KIAA1549: variants seen among roughly 807,000 people sequenced by gnomAD.
KIAA1549 encodes UPF0606 protein KIAA1549.
In KIAA1549, 70 loss-of-function variants were observed where a neutral mutation model predicts 156.4. The observed-to-expected ratio is 0.45, with a 90% CI of 0.37 to 0.55. The LOEUF is 0.55. Among genes scored for constraint, KIAA1549 ranks in the 20% least tolerant of loss-of-function variants. The probability of loss-of-function intolerance (pLI) is 0.00; values close to 1 mark genes in which losing one functional copy is unlikely to be tolerated. For missense variants in KIAA1549, 2,428 were observed against 2,540.9 expected (o/e 0.96, Z 0.96); for synonymous variants, 1,103 against 1,066.4 (o/e 1.03, Z -0.67).
At chr7:138,897,892 CAAAAAAAAAAAAAAAAAAA>C (rs59242488) in intron 9 of KIAA1549, among the ~76,000 whole-genome samples, 11 of 27,498 alleles carry the variant, frequency 4.0e-4, no homozygotes, top group African/African-American at 8.0e-4. Context: ...GACCCTTTCT[CAAAAAAAAAAAAAAAAAAA>C]AAAAAAAAAA....
At chr7:138,925,223 C>T (rs562004812) in intron 1 of KIAA1549, among the ~76,000 whole-genome samples, 4 of 152,164 alleles carry the variant, frequency 2.6e-5, no homozygotes, top group Non-Finnish European at 5.9e-5. Flanking sequence ...GTCTCAGACT[C>T]TCACAAGCAA....
intron 1 of KIAA1549, among the ~76,000 whole-genome samples, chr7:138,942,207 T>A (rs1813205175): frequency 6.6e-6 from 1 of 152,144 alleles, no homozygotes; most frequent in Admixed American, 6.6e-5. Context: ...CCACACTGTC[T>A]CTCTGAAAGA....
At chr7:138,951,345 A>G (rs1339522279) in intron 1 of KIAA1549, among the ~76,000 whole-genome samples, 2 of 151,862 alleles carry the variant, frequency 1.3e-5, no homozygotes, top group Non-Finnish European at 2.9e-5. Context: ...GATCTCTCTC[A>G]CCTTCAAACA....
chr7:138,961,998 C>T (rs1813868105), intron 1 of KIAA1549, among the ~76,000 whole-genome samples: 1 of 152,138 alleles, frequency 6.6e-6, no homozygotes, highest in Admixed American at 6.5e-5. Context: ...TCCCCCTTCC[C>T]ACCTGTCTCA....
rs375386187 is a variant in KIAA1549, at chr7:138,951,235, C to T, written c.187+29848G>A. Among the ~76,000 whole-genome samples, 72 of 152,096 alleles carry T rather than the reference C, an allele frequency of 4.7e-4. 1 individual carries two copies. The South Asian group carries it at 0.015, about 32-fold the overall frequency. The stretch of plus-strand genomic sequence containing the variant: ...CATGAGCCACCATGCCCAGCCGCAT[C>T]CTCCCTCTGGAGGAACCTGAATCCC... On this transcript the variant is annotated intron_variant, in intron 1 of 19. Transcript: ENST00000422774.
At position 138,918,888 on chromosome 7, in the gene KIAA1549, A is replaced by G; in HGVS notation, c.738T>C (p.Pro246=). The change falls in exon 2 of 20, where the codon CCT becomes CCC. Residue 246 remains proline, a synonymous_variant. Coordinates refer to ENST00000422774, the MANE Select transcript of KIAA1549 (RefSeq NM_001164665.2). This position sits in a 1 kb window ranked among gnomAD's most constrained non-coding sequence, Gnocchi z 4.2. ...TAGGATAAAGCACCAAATTCCTGCC[A>G]GGAGTTGGAACGATGCCCTCAGAGG... ...FRTSEGIVPT[P]GRNLVLYPTD... 6.2e-7 allele frequency: 1 copy of G among 1,614,076 alleles called. No homozygotes were observed. Among genetic ancestry groups the G allele is most frequent in the Non-Finnish European group, 8.5e-7 (1 of 1,179,902 alleles).
chr7:138,959,820 CTG>C (rs1221018956), intron 1 of KIAA1549, among the ~76,000 whole-genome samples: 2 of 152,222 alleles, frequency 1.3e-5, no homozygotes. Flanking sequence ...CAGAGAGCAA[CTG>C]TGCCTCTTAA....
chr7:138,887,330 C>T (rs765706641), intron 10 of KIAA1549, among the ~76,000 whole-genome samples: 5 of 152,228 alleles, frequency 3.3e-5, no homozygotes, highest in Non-Finnish European at 4.4e-5. Context: ...TCTTTAAACA[C>T]ATGTATTTAA....
chr7:138,936,530 C>T (rs1055165306), intron 1 of KIAA1549, among the ~76,000 whole-genome samples: 5 of 152,192 alleles, frequency 3.3e-5, no homozygotes, highest in African/African-American at 1.2e-4. Context: ...AGTCCATGGA[C>T]ATTGCCTGCT....
At chr7:138,926,429 C>T (rs1386375044) in intron 1 of KIAA1549, among the ~76,000 whole-genome samples, 2 of 152,112 alleles carry the variant, frequency 1.3e-5, no homozygotes, top group East Asian at 1.9e-4. Flanking sequence ...GGATTCCAGG[C>T]GCCCACCACC....
chr7:138,891,987 CA>C (rs1158847278), intron 10 of KIAA1549, among the ~76,000 whole-genome samples: 1 of 152,206 alleles, frequency 6.6e-6, no homozygotes, highest in African/African-American at 2.4e-5. Flanking sequence ...CCTGTGCCAG[CA>C]AAACACGACT....
intron 10 of KIAA1549, among the ~76,000 whole-genome samples, chr7:138,892,208 G>A (rs1811565586): frequency 6.6e-6 from 1 of 152,210 alleles, no homozygotes; most frequent in Admixed American, 6.5e-5. Context: ...CCACATCTGG[G>A]ACTTGAAAAT....
At chr7:138,892,179 C>T (rs1026301370) in intron 10 of KIAA1549, among the ~76,000 whole-genome samples, 1 of 152,112 alleles carries the variant, frequency 6.6e-6, no homozygotes, top group East Asian at 1.9e-4. Flanking sequence ...ATCTGAAACT[C>T]TGTCCATTTG....
Position 138,911,259 on chromosome 7 carries a change from A to G in KIAA1549, c.3032T>C (p.Ile1011Thr). The G allele has an allele frequency of 1.2e-6, 2 of 1,604,554 alleles. No individual in the cohort carries two copies. Among genetic ancestry groups the G allele is most frequent in the Non-Finnish European group, 1.7e-6 (2 of 1,175,008 alleles). Residue 1011 changes from isoleucine (I) to threonine (T), a missense_variant, in exon 4 of 20, where the codon ATA becomes ACA. By Grantham distance (89) the Ile-to-Thr change is moderately conservative. This residue lies in a region of KIAA1549 where 762 missense variants were observed against 901.6 expected (regional missense o/e 0.85). Transcript: ENST00000422774. ...VTSGPFVYTA[I>T]SVINVLINSK... ...GTTTATAAGCACATTTATGACGGAT[A>G]TTGCCGTGTAAACGAAAGGACCGGA...
At chr7:138,948,555 G>A (rs1168022850) in intron 1 of KIAA1549, among the ~76,000 whole-genome samples, 1 of 152,142 alleles carries the variant, frequency 6.6e-6, no homozygotes, top group African/African-American at 2.4e-5. Context: ...CTTGTTACGT[G>A]GCCCTTGCAA....
chr7:138,925,325 A>G (rs1812681722), intron 1 of KIAA1549, among the ~76,000 whole-genome samples: 1 of 152,042 alleles, frequency 6.6e-6, no homozygotes, highest in African/African-American at 2.4e-5. Flanking sequence ...GGAATCATGT[A>G]CTTTTCAAGC....
intron 9 of KIAA1549, among the ~76,000 whole-genome samples, chr7:138,898,331 A>T (rs1185486881): frequency 1.3e-5 from 2 of 151,814 alleles, no homozygotes; most frequent in Non-Finnish European, 2.9e-5. Flanking sequence ...AAAGCAAACA[A>T]ATCTGTGAGG....
At chr7:138,914,398 G>A (rs1812256472) in intron 2 of KIAA1549, among the ~76,000 whole-genome samples, 1 of 152,220 alleles carries the variant, frequency 6.6e-6, no homozygotes, top group African/African-American at 2.4e-5. Flanking sequence ...AGGCAGCACA[G>A]GGTCAGAAAG....
chr7:138,912,266 A>G, intron 3 of KIAA1549, 106 bp downstream of exon 3: 1 of 794,006 alleles, frequency 1.3e-6, no homozygotes, highest in Non-Finnish European at 2.2e-6. Context: ...GAGGGAAGAG[A>G]TGAAATAGAA....
Sources: gnomAD v4.1 joint callset for allele counts (sites outside exome capture counted in the v4.1 genomes callset) on GRCh38, gnomAD v4.1.1 for gene constraint, gnomAD v4.1.1 regional missense constraint, Gnocchi (gnomAD v3.1) non-coding constraint, MANE v1.5 for transcripts, NCBI Gene and HGNC (gene_info 2026-07-23, HGNC 2026-07-21) for gene names.